SORCS2: variants seen among roughly 807,000 people sequenced by gnomAD.
SORCS2 encodes the protein sortilin related VPS10 domain containing receptor 2, also known as VPS10 domain-containing receptor SorCS2.
In SORCS2, 100 loss-of-function variants were observed where a neutral mutation model predicts 141.6. That is an observed-to-expected ratio of 0.71 (90% CI 0.60 to 0.83). The LOEUF (loss-of-function observed/expected upper bound fraction) is 0.83. Ranked by LOEUF, SORCS2 falls within the 40% of genes least tolerant of loss-of-function variation. The probability of loss-of-function intolerance (pLI) is 0.00; values close to 1 mark genes in which losing one functional copy is unlikely to be tolerated. For synonymous variants in SORCS2, 789 were observed against 676.9 expected (o/e 1.17, Z -2.57); for missense variants, 1,646 against 1,560.2 (o/e 1.05, Z -0.93).
intron 9 of SORCS2, among the ~76,000 whole-genome samples, chr4:7,677,704 G>A (rs754204492): frequency 1.3e-5 from 2 of 152,218 alleles, no homozygotes; most frequent in Non-Finnish European, 2.9e-5. Context: ...CAGCAGAACT[G>A]TGGTCCCCAG....
intron 1 of SORCS2, among the ~76,000 whole-genome samples, chr4:7,278,172 G>A (rs1715633243): frequency 1.3e-5 from 2 of 152,102 alleles, no homozygotes; most frequent in African/African-American, 2.4e-5. Context: ...GGCCCAGCAG[G>A]AGCTGTGTTC....
chr4:7,339,173 G>A (rs1720215487), intron 1 of SORCS2, among the ~76,000 whole-genome samples: 1 of 152,208 alleles, frequency 6.6e-6, no homozygotes, highest in African/African-American at 2.4e-5. Context: ...ACCAGCCCAT[G>A]GAGCGCTGCC....
chr4:7,456,809 G>A (rs751158568), intron 2 of SORCS2, among the ~76,000 whole-genome samples: 5 of 152,122 alleles, frequency 3.3e-5, no homozygotes, highest in African/African-American at 7.2e-5. Context: ...TCGACGATCA[G>A]TGTGGAGGGA....
intron 3 of SORCS2, among the ~76,000 whole-genome samples, chr4:7,536,648 G>A (rs945267226): frequency 6.6e-6 from 1 of 152,204 alleles, no homozygotes; most frequent in African/African-American, 2.4e-5. Context: ...AGAGAAGGAT[G>A]TGATGGGCTG....
intron 1 of SORCS2, among the ~76,000 whole-genome samples, chr4:7,322,150 A>G (rs1718932808): frequency 6.6e-6 from 1 of 152,126 alleles, no homozygotes; most frequent in African/African-American, 2.4e-5. Context: ...CTGCTTGACC[A>G]GAGGGGGCCG....
chr4:7,722,534 G>C (rs949452531), intron 18 of SORCS2, among the ~76,000 whole-genome samples: 1 of 152,182 alleles, frequency 6.6e-6, no homozygotes, highest in Admixed American at 6.5e-5. Context: ...GGCACTCCTT[G>C]GCCCCTGACA....
At chr4:7,731,580 C>A (rs942013537) in intron 23 of SORCS2, among the ~76,000 whole-genome samples, 7 of 152,148 alleles carry the variant, frequency 4.6e-5, no homozygotes, top group Non-Finnish European at 1.0e-4. Context: ...TACAAAGTTA[C>A]AGTAATCCAA....
chr4:7,612,537 C>T (rs1718476532), intron 3 of SORCS2, among the ~76,000 whole-genome samples: 1 of 152,052 alleles, frequency 6.6e-6, no homozygotes, highest in Admixed American at 6.5e-5. Context: ...AACCAGTCCC[C>T]AGCCCACCAG....
At chr4:7,375,460 G>A (rs116439965) in intron 1 of SORCS2, among the ~76,000 whole-genome samples, 2,214 of 152,286 alleles carry the variant, frequency 0.015, 48 homozygotes, top group African/African-American at 0.049. Flanking sequence ...AGGATACCGC[G>A]GTGGGATTTC....
At chr4:7,631,075 G>T (rs1719861677) in intron 3 of SORCS2, among the ~76,000 whole-genome samples, 1 of 144,970 alleles carries the variant, frequency 6.9e-6, no homozygotes, top group South Asian at 2.2e-4. Context: ...TTAACTTGGA[G>T]AGTTGAGAGT....
chr4:7,539,680 A>ACCCCCGTTATGGAGGCCTCGC (rs1712415382), intron 3 of SORCS2, among the ~76,000 whole-genome samples: 2 of 134,228 alleles, frequency 1.5e-5, no homozygotes, highest in Non-Finnish European at 3.2e-5. Context: ...CAAGGCCCCG[A>ACCCCCGTTATGGAGGCCTCGC]CCCCCGTTAT....
intron 1 of SORCS2, among the ~76,000 whole-genome samples, chr4:7,265,525 C>T (rs1355369245): frequency 8.5e-5 from 13 of 152,062 alleles, no homozygotes; most frequent in African/African-American, 3.1e-4. Context: ...GGGCAGGGCT[C>T]GTTCCCCATG....
intron 3 of SORCS2, among the ~76,000 whole-genome samples, chr4:7,543,669 C>A: frequency 6.9e-6 from 1 of 145,946 alleles, no homozygotes; most frequent in Non-Finnish European, 1.5e-5. Flanking sequence ...CCCACCCATC[C>A]ATCCATCCAC....
intron 1 of SORCS2, among the ~76,000 whole-genome samples, chr4:7,343,132 A>C (rs1022186524): frequency 6.6e-6 from 1 of 152,170 alleles, no homozygotes; most frequent in Non-Finnish European, 1.5e-5. Flanking sequence ...GAGCATTAGG[A>C]GGGCAGAGGT....
At chr4:7,427,018 T>TG (rs978839480) in intron 2 of SORCS2, among the ~76,000 whole-genome samples, 53 of 152,060 alleles carry the variant, frequency 3.5e-4, no homozygotes, top group African/African-American at 1.1e-3. Flanking sequence ...GGCTTAGTGG[T>TG]GGGGGGCACA....
chr4:7,495,559 G>A (rs1460480857), intron 2 of SORCS2, among the ~76,000 whole-genome samples: 1 of 152,182 alleles, frequency 6.6e-6, no homozygotes. Flanking sequence ...ACCCTCGTCA[G>A]GCCCCAAGCC....
chr4:7,605,805 T>G (rs1577830093), intron 3 of SORCS2, among the ~76,000 whole-genome samples: 2 of 150,918 alleles, frequency 1.3e-5, no homozygotes, highest in Non-Finnish European at 1.5e-5. Context: ...GTCTTGGGGG[T>G]GAGGAGCAGG....
chr4:7,559,332 A>G (rs887780347), intron 3 of SORCS2, among the ~76,000 whole-genome samples: 3 of 152,166 alleles, frequency 2.0e-5, no homozygotes, highest in Non-Finnish European at 4.4e-5. Context: ...CAGCTCTGTG[A>G]AGCTGGATTG....
At chr4:7,219,708 G>C (rs114507497) in intron 1 of SORCS2, among the ~76,000 whole-genome samples, 1 of 152,164 alleles carries the variant, frequency 6.6e-6, no homozygotes, top group Non-Finnish European at 1.5e-5. Context: ...ACCACTTCCT[G>C]CTGGGTCCCT....
Sources: gnomAD v4.1 joint callset for allele counts (sites outside exome capture counted in the v4.1 genomes callset) on GRCh38, gnomAD v4.1.1 for gene constraint, MANE v1.5 for transcripts, NCBI Gene and HGNC (gene_info 2026-07-23, HGNC 2026-07-21) for gene names.